The following DCC variants were observed in gnomAD, a reference collection of about 807,000 sequenced individuals.
The protein encoded by DCC is netrin receptor DCC.
In DCC, 58 loss-of-function variants were observed where a neutral mutation model predicts 172.5. The observed-to-expected ratio is 0.34, with a 90% CI of 0.27 to 0.42. The LOEUF is 0.42. Among genes scored for constraint, DCC ranks in the 10% least tolerant of loss-of-function variants. The pLI is 1.00. For synonymous variants in DCC, 709 were observed against 644.5 expected (o/e 1.10, Z -1.52); for missense variants, 1,740 against 1,791.0 (o/e 0.97, Z 0.51).
chr18:52,848,367 G>T (rs898441056), intron 2 of DCC, among the ~76,000 whole-genome samples: 8 of 152,022 alleles, frequency 5.3e-5, no homozygotes, highest in African/African-American at 1.9e-4. Flanking sequence ...GATTACAGGC[G>T]TGTGCTACCA....
chr18:53,479,430 A>G (rs993051205), intron 25 of DCC, among the ~76,000 whole-genome samples: 1 of 152,218 alleles, frequency 6.6e-6, no homozygotes, highest in Admixed American at 6.5e-5. Flanking sequence ...TTGTTAATGA[A>G]TGGGAACTGG....
intron 12 of DCC, among the ~76,000 whole-genome samples, chr18:53,276,223 A>G (rs2056805289): frequency 6.6e-6 from 1 of 152,148 alleles, no homozygotes; most frequent in Admixed American, 6.6e-5. Context: ...GCTTCACTCA[A>G]CTGGGGTTCT....
intron 5 of DCC, among the ~76,000 whole-genome samples, chr18:52,991,843 T>C (rs1001937812): frequency 3.3e-5 from 5 of 152,222 alleles, no homozygotes; most frequent in South Asian, 2.1e-4. Context: ...ATTTATGGTA[T>C]GCCAGGAACT....
In DCC at chr18:52,806,239, A is replaced by C. The variant is rs576934531; in HGVS notation, c.412+53865A>C. Among the ~76,000 whole-genome samples the C allele has an allele frequency of 8.7e-4, 133 of 152,326 alleles. 2 individuals carry two copies. In the Middle Eastern group the frequency reaches 0.01, roughly 12 times the overall value. Reference sequence around the variant, plus strand: ...AAGTAAGAGACTTCCCATACACCCCAGTCCCCATACGTGTAAACCTCGCTC... The same window carrying C: ...AAGTAAGAGACTTCCCATACACCCCCGTCCCCATACGTGTAAACCTCGCTC... On this transcript the variant is annotated intron_variant, in intron 2 of 28. Transcript: ENST00000442544.
chr18:52,705,036 G>T (rs1418340448), intron 1 of DCC, among the ~76,000 whole-genome samples: 1 of 152,146 alleles, frequency 6.6e-6, no homozygotes, highest in Non-Finnish European at 1.5e-5. Context: ...TGTGTCTACA[G>T]CTGCGTCTCT....
intron 1 of DCC, among the ~76,000 whole-genome samples, chr18:52,751,439 A>G (rs934662237): frequency 1.3e-5 from 2 of 152,206 alleles, no homozygotes; most frequent in African/African-American, 4.8e-5. Flanking sequence ...CCCATGAGAA[A>G]CATTTGGATG....
intron 12 of DCC, among the ~76,000 whole-genome samples, chr18:53,284,959 A>G (rs2056919121): frequency 6.6e-6 from 1 of 152,110 alleles, no homozygotes; most frequent in Non-Finnish European, 1.5e-5. Context: ...AGAACTTTGA[A>G]CTTGAGAGAG....
intron 7 of DCC, among the ~76,000 whole-genome samples, chr18:53,074,776 C>T (rs1460777456): frequency 6.6e-6 from 1 of 152,094 alleles, no homozygotes; most frequent in African/African-American, 2.4e-5. Context: ...GATGTGTCCA[C>T]ATCTCATTTC....
intron 7 of DCC, among the ~76,000 whole-genome samples, chr18:53,076,686 C>G (rs757657853): frequency 8.7e-4 from 132 of 152,170 alleles, no homozygotes; most frequent in Non-Finnish European, 1.6e-3. Flanking sequence ...ATAGGAAAAG[C>G]AACCCATTTC....
chr18:53,530,317 T>C (rs2046511478), intron 28 of DCC: 1 of 702,696 alleles, frequency 1.4e-6, no homozygotes, highest in Admixed American at 2.0e-5. Flanking sequence ...ACCCAATCTT[T>C]TTGACTCTGA....
chr18:52,756,779 C>G (rs1599079015), intron 2 of DCC, among the ~76,000 whole-genome samples: 2 of 152,104 alleles, frequency 1.3e-5, no homozygotes, highest in African/African-American at 4.8e-5. Flanking sequence ...AACCTACCTC[C>G]CAAGGCTGTG....
chr18:53,526,340 C>A (rs2046455044), intron 27 of DCC, among the ~76,000 whole-genome samples: 1 of 152,120 alleles, frequency 6.6e-6, no homozygotes, highest in Non-Finnish European at 1.5e-5. Context: ...GATGAACAGT[C>A]CAGAGCTCCC....
intron 1 of DCC, among the ~76,000 whole-genome samples, chr18:52,657,035 TAG>T (rs1394119345): frequency 6.6e-6 from 1 of 152,124 alleles, no homozygotes; most frequent in African/African-American, 2.4e-5. Flanking sequence ...GTGATAACAT[TAG>T]AGTTTATTAT....
chr18:52,959,763 A>G (rs1475083400), intron 5 of DCC, among the ~76,000 whole-genome samples: 2 of 152,144 alleles, frequency 1.3e-5, no homozygotes, highest in African/African-American at 4.8e-5. Flanking sequence ...AGACCAAGAT[A>G]TATCTGCTGT....
intron 21 of DCC, among the ~76,000 whole-genome samples, chr18:53,422,895 A>G (rs889936315): frequency 6.6e-6 from 1 of 152,060 alleles, no homozygotes; most frequent in African/African-American, 2.4e-5. Flanking sequence ...TGCTTGCTAC[A>G]CCCACTTGAA....
intron 1 of DCC, among the ~76,000 whole-genome samples, chr18:52,371,744 T>A (rs968163229): frequency 6.6e-6 from 1 of 152,212 alleles, no homozygotes; most frequent in African/African-American, 2.4e-5. Flanking sequence ...AATCTATCAA[T>A]TTTCTGTCTG....
rs962624916 is a variant in DCC at position 52,899,698 on chromosome 18, C to T, written c.413-6346C>T. Among the ~76,000 whole-genome samples the T allele has an allele frequency of 4.6e-5, 7 of 151,714 alleles. No individual in the cohort carries two copies. The East Asian group carries it at 5.8e-4, about 13-fold the overall frequency. ...TTTTATAGAGACAGAATCTCTCTAT[C>T]GTGACCAAGTTGGTCTCAAACTCCT... On this transcript the variant is annotated intron_variant, in intron 2 of 28. Coordinates refer to ENST00000442544, the MANE Select transcript of DCC (RefSeq NM_005215.4).
At chr18:53,120,243 A>T (rs1294153518) in intron 7 of DCC, among the ~76,000 whole-genome samples, 1 of 151,854 alleles carries the variant, frequency 6.6e-6, no homozygotes, top group Non-Finnish European at 1.5e-5. Flanking sequence ...TATGTGGGGA[A>T]GATATTTGTA....
At chr18:52,501,447 A>G (rs1284873330) in intron 1 of DCC, among the ~76,000 whole-genome samples, 1 of 152,176 alleles carries the variant, frequency 6.6e-6, no homozygotes, top group East Asian at 1.9e-4. Flanking sequence ...TGTCTCTCTA[A>G]GCAGAAGTTT....
Sources: gnomAD v4.1 joint callset for allele counts (sites outside exome capture counted in the v4.1 genomes callset) on GRCh38, gnomAD v4.1.1 for gene constraint, MANE v1.5 for transcripts, NCBI Gene and HGNC (gene_info 2026-07-23, HGNC 2026-07-21) for gene names.